DIP2C: variants seen among roughly 807,000 people sequenced by gnomAD.
The protein encoded by DIP2C is DIP2 acetate--CoA ligase C (putative).
A neutral mutation model predicts 192.4 loss-of-function variants in DIP2C; 33 were observed. The ratio of observed to expected loss-of-function variants is 0.17; its 90% confidence interval spans 0.13 to 0.23. The LOEUF is 0.23. DIP2C is among the 10% of genes least tolerant of loss of function. The pLI, the probability that DIP2C is intolerant of heterozygous loss-of-function variation, is 1.00. For missense variants in DIP2C, 1,537 were observed against 2,110.1 expected (o/e 0.73, Z 5.32); for synonymous variants, 979 against 864.1 (o/e 1.13, Z -2.33).
At chr10:286,698 C>T (rs547673629) in intron 33 of DIP2C, among the ~76,000 whole-genome samples, 1 of 152,248 alleles carries the variant, frequency 6.6e-6, no homozygotes, top group South Asian at 2.1e-4. Context: ...ATGTTTAACA[C>T]AGCCTGACCT....
intron 36 of DIP2C, among the ~76,000 whole-genome samples, chr10:279,473 G>T (rs906800894): frequency 6.6e-6 from 1 of 152,256 alleles, no homozygotes; most frequent in African/African-American, 2.4e-5. Flanking sequence ...GGTGGTGCCA[G>T]TGACTCTCAG....
At chr10:489,739 T>G (rs1328973235) in intron 1 of DIP2C, among the ~76,000 whole-genome samples, 3 of 96,872 alleles carry the variant, frequency 3.1e-5, no homozygotes, top group African/African-American at 1.3e-4. Context: ...CACTTCACAC[T>G]AGGGACACGG....
chr10:484,719 G>T, intron 2 of DIP2C: 1 of 1,556,268 alleles, frequency 6.4e-7, no homozygotes, highest in East Asian at 2.3e-5. Context: ...GGCACTCGGC[G>T]GGTGGCCCTT....
chr10:297,393 C>T (rs922179853), intron 32 of DIP2C, among the ~76,000 whole-genome samples: 8 of 152,102 alleles, frequency 5.3e-5, no homozygotes, highest in Admixed American at 3.3e-4. Flanking sequence ...TTACTGCAGC[C>T]TGATTCACAA....
chr10:391,013 G>A (rs2132951352), intron 10 of DIP2C, 150 bp from the exon 11 acceptor site: 2 of 1,113,660 alleles, frequency 1.8e-6, no homozygotes, highest in Admixed American at 2.5e-5. Context: ...GTGGGACCCT[G>A]AACAGGTGAG....
intron 4 of DIP2C, among the ~76,000 whole-genome samples, chr10:428,834 A>G (rs1427158245): frequency 6.6e-6 from 1 of 151,648 alleles, no homozygotes; most frequent in East Asian, 1.9e-4. Flanking sequence ...ACTTTGGTTA[A>G]TTTCTTTTCA....
At chr10:673,613 C>T (rs569656359) in intron 1 of DIP2C, among the ~76,000 whole-genome samples, 1 of 152,182 alleles carries the variant, frequency 6.6e-6, no homozygotes, top group African/African-American at 2.4e-5. Context: ...CCAAGAATGG[C>T]TCCCTGCCAT....
At chr10:352,022 C>CG (rs947820045) in intron 24 of DIP2C, among the ~76,000 whole-genome samples, 2 of 152,230 alleles carry the variant, frequency 1.3e-5, no homozygotes, top group African/African-American at 4.8e-5. Flanking sequence ...GCTCAGCCCC[C>CG]GCCCCGCTGA....
intron 1 of DIP2C, among the ~76,000 whole-genome samples, chr10:516,116 G>T (rs1846332137): frequency 2.7e-5 from 4 of 149,950 alleles, no homozygotes; most frequent in Admixed American, 2.7e-4. Context: ...GCATGACTTG[G>T]GTCTCTGTAC....
At chr10:649,892 T>TG (rs1279585244) in intron 1 of DIP2C, 12 of 574,008 alleles carry the variant, frequency 2.1e-5, no homozygotes, top group South Asian at 1.0e-4. Flanking sequence ...GGTCCCCTTG[T>TG]GGGGGGGTGC....
At chr10:495,293 ATG>A (rs1844741094) in intron 1 of DIP2C, among the ~76,000 whole-genome samples, 1 of 152,174 alleles carries the variant, frequency 6.6e-6, no homozygotes, top group Admixed American at 6.5e-5. Context: ...TGGAGATCGA[ATG>A]TACAGTGTGG....
At chr10:597,887 G>A (rs935129035) in intron 1 of DIP2C, among the ~76,000 whole-genome samples, 1 of 151,956 alleles carries the variant, frequency 6.6e-6, no homozygotes, top group African/African-American at 2.4e-5. Flanking sequence ...GGAGAAACCA[G>A]GAGGTCTGAA....
Position 500,217 on chromosome 10 carries a change from G to C in DIP2C, c.86-13687C>G, listed in dbSNP as rs543036507. ...ACCTCTGTGCTCATCAGCGTCTGGG[G>C]CAAAGGTGGGTTCAGAGCCAACCCC... is the stretch of plus-strand genomic sequence containing the variant. On this transcript the variant is annotated intron_variant, in intron 1 of 36. Coordinates refer to ENST00000280886, the MANE Select transcript of DIP2C (RefSeq NM_014974.3). 2.0e-5 allele frequency among the ~76,000 whole-genome samples: 3 copies of C among 152,366 alleles called. No homozygotes were observed. The South Asian group carries it at 6.2e-4, about 32-fold the overall frequency.
intron 1 of DIP2C, among the ~76,000 whole-genome samples, chr10:576,918 A>T (rs1014945123): frequency 1.3e-5 from 2 of 151,076 alleles, no homozygotes; most frequent in African/African-American, 4.9e-5. Flanking sequence ...ATTCTGTCTA[A>T]TAAAAAAAAA....
chr10:629,398 A>C (rs1174859192), intron 1 of DIP2C, among the ~76,000 whole-genome samples: 2 of 151,914 alleles, frequency 1.3e-5, no homozygotes, highest in African/African-American at 4.8e-5. Context: ...ACACACAGAC[A>C]CTCCCAGGAA....
rs140531741 is a variant in DIP2C at position 397,023 on chromosome 10, C to T, written c.1260+2086G>A. Reference sequence around the variant, plus strand: ...CCAAAAGGAACCCCGTGTTCTCTCCCTTCCCATCCAAGGGGAAGTTTGAAA... The same window carrying T: ...CCAAAAGGAACCCCGTGTTCTCTCCTTTCCCATCCAAGGGGAAGTTTGAAA... On this transcript the variant is annotated intron_variant, in intron 10 of 36. Coordinates refer to ENST00000280886, the MANE Select transcript of DIP2C (RefSeq NM_014974.3). 1.3e-5 allele frequency among the ~76,000 whole-genome samples: 2 copies of T among 152,330 alleles called. 1 individual carries two copies. Among genetic ancestry groups the T allele is most frequent in the East Asian group, 3.9e-4 (2 of 5,182 alleles).
intron 10 of DIP2C, among the ~76,000 whole-genome samples, chr10:393,488 C>T (rs1019182485): frequency 6.6e-6 from 1 of 152,268 alleles, no homozygotes; most frequent in African/African-American, 2.4e-5. Context: ...AAATTAAAAC[C>T]ACAGGGAAGC....
chr10:580,957 G>C (rs1672534), intron 1 of DIP2C, among the ~76,000 whole-genome samples: 144,738 of 152,294 alleles, frequency 0.95, 68,829 homozygotes, highest in Middle Eastern at 0.98. Context: ...ATGTTTTGGC[G>C]TTTGAGACAA....
intron 1 of DIP2C, among the ~76,000 whole-genome samples, chr10:538,514 C>T (rs918933631): frequency 6.6e-6 from 1 of 152,170 alleles, no homozygotes; most frequent in Non-Finnish European, 1.5e-5. Flanking sequence ...TCTTCCAGTC[C>T]GGACCGTACA....
Sources: gnomAD v4.1 joint callset for allele counts (sites outside exome capture counted in the v4.1 genomes callset) on GRCh38, gnomAD v4.1.1 for gene constraint, MANE v1.5 for transcripts, NCBI Gene and HGNC (gene_info 2026-07-23, HGNC 2026-07-21) for gene names.